Variants in PDZRN3 observed in about 807,000 individuals in gnomAD.
PDZRN3 encodes E3 ubiquitin-protein ligase PDZRN3.
In PDZRN3, 38 loss-of-function variants were observed where a neutral mutation model predicts 85.7. That is an observed-to-expected ratio of 0.44 (90% confidence interval 0.34 to 0.58). PDZRN3 has a LOEUF of 0.58. Ranked by LOEUF, PDZRN3 falls within the 20% of genes least tolerant of loss-of-function variation. PDZRN3 has a pLI of 0.01. For missense variants in PDZRN3, 1,629 were observed against 1,506.4 expected, an observed-to-expected ratio of 1.08 and a Z score of -1.35; for synonymous variants, 759 against 638.0, an observed-to-expected ratio of 1.19 and a Z score of -2.86.
intron 3 of PDZRN3, among the ~76,000 whole-genome samples, chr3:73,497,647 A>G (rs1328493700): frequency 6.6e-6 from 1 of 152,198 alleles, no homozygotes; most frequent in African/African-American, 2.4e-5. Context: ...CGTACCCATC[A>G]CCCAGCTTAA....
At chr3:73,484,080 G>T (rs1275953248) in intron 3 of PDZRN3, among the ~76,000 whole-genome samples, 2 of 152,136 alleles carry the variant, frequency 1.3e-5, no homozygotes, top group Non-Finnish European at 2.9e-5. Context: ...TGATGCGGGG[G>T]CCTGGGGTGG....
At chr3:73,408,166 G>A (rs887279026) in intron 3 of PDZRN3, 2 of 703,404 alleles carry the variant, frequency 2.8e-6, no homozygotes, top group Admixed American at 2.0e-5. Flanking sequence ...CAGAGGTGGA[G>A]TGTGCAGGGA....
intron 7 of PDZRN3, 32 bp from the exon 8 acceptor site, chr3:73,388,101 G>A: frequency 9.7e-7 from 1 of 1,030,342 alleles, no homozygotes; most frequent in Non-Finnish European, 1.5e-6. Context: ...TGGGGAGAGT[G>A]GGGAGACAAA....
In PDZRN3 at chr3:73,383,360, G is replaced by T. The variant is rs1396177755; in HGVS notation, c.*5C>A. The T allele has an allele frequency of 1.3e-6, 2 of 1,594,768 alleles. No individual in the cohort carries two copies. Among genetic ancestry groups the T allele is most frequent in the Non-Finnish European group, 1.7e-6 (2 of 1,170,526 alleles). On this transcript the variant is annotated 3_prime_UTR_variant, in exon 10 of 10. Transcript: ENST00000263666. ...TCCTTTATGTACATAATGCAGAAGT[G>T]AAAATTATACAGTAGTCACCGATAG...
intron 3 of PDZRN3, among the ~76,000 whole-genome samples, chr3:73,466,941 C>T (rs1353660769): frequency 6.6e-6 from 1 of 152,088 alleles, no homozygotes; most frequent in Non-Finnish European, 1.5e-5. Flanking sequence ...TTTCATTTTT[C>T]CTCTGTAGGA....
intron 8 of PDZRN3, among the ~76,000 whole-genome samples, chr3:73,386,226 CTTTTTTT>C (rs71126867): frequency 1.1e-5 from 1 of 90,732 alleles, no homozygotes. Flanking sequence ...CAAGATATCA[CTTTTTTT>C]TTTTTTTTTT....
chr3:73,478,972 G>A (rs1575680701), intron 3 of PDZRN3, among the ~76,000 whole-genome samples: 1 of 152,308 alleles, frequency 6.6e-6, no homozygotes, highest in Admixed American at 6.5e-5. Flanking sequence ...TAGGTTCTAT[G>A]TGTAATGGCA....
intron 2 of PDZRN3, among the ~76,000 whole-genome samples, chr3:73,602,889 G>A (rs1008922972): frequency 6.6e-6 from 1 of 152,136 alleles, no homozygotes; most frequent in Non-Finnish European, 1.5e-5. Flanking sequence ...ATTCGTGTCT[G>A]CCTTACTTCT....
intron 3 of PDZRN3, among the ~76,000 whole-genome samples, chr3:73,589,698 G>A (rs553723491): frequency 6.6e-6 from 1 of 152,218 alleles, no homozygotes; most frequent in South Asian, 2.1e-4. Context: ...TCTGCCCAAA[G>A]GATTCTCCTT....
chr3:73,491,593 C>CTTTTTTTTT (rs1429977645), intron 3 of PDZRN3, among the ~76,000 whole-genome samples: 24 of 132,866 alleles, frequency 1.8e-4, no homozygotes, highest in African/African-American at 4.4e-4. Context: ...TGGAAGGTTC[C>CTTTTTTTTT]TTTTTTTTTT....
At chr3:73,539,583 C>T (rs888840599) in intron 3 of PDZRN3, among the ~76,000 whole-genome samples, 8 of 152,044 alleles carry the variant, frequency 5.3e-5, no homozygotes, top group African/African-American at 1.7e-4. Context: ...GTGTGAGCCT[C>T]CTTGTGCATG....
intron 5 of PDZRN3, among the ~76,000 whole-genome samples, chr3:73,400,414 AC>A (rs1321135740): frequency 1.3e-5 from 2 of 152,076 alleles, no homozygotes; most frequent in African/African-American, 4.8e-5. Flanking sequence ...GCCTCAAATA[AC>A]ACTTAAGAAG....
intron 3 of PDZRN3, among the ~76,000 whole-genome samples, chr3:73,434,676 A>T (rs965085478): frequency 6.6e-6 from 1 of 152,196 alleles, no homozygotes; most frequent in Non-Finnish European, 1.5e-5. Context: ...TTCAGAGATG[A>T]TATGGCTGGG....
Position 73,383,944 on chromosome 3 carries a change from C to A in PDZRN3, c.2622G>T (p.Pro874=). The change falls in exon 10 of 10, where the codon CCG becomes CCT. Residue 874 remains proline (P), a synonymous_variant. Coordinates refer to ENST00000263666, the MANE Select transcript of PDZRN3 (RefSeq NM_015009.3). ...HHSPYKHAHI[P]AHAQHYQSYM... Reference sequence around the variant, plus strand: ...AGCTCTGGTAGTGCTGGGCGTGCGCCGGGATGTGCGCGTGCTTGTATGGGG... The same window carrying A: ...AGCTCTGGTAGTGCTGGGCGTGCGCAGGGATGTGCGCGTGCTTGTATGGGG... 1 of 1,604,300 alleles carries A rather than the reference C, an allele frequency of 6.2e-7. No homozygotes were observed. Among genetic ancestry groups the A allele is most frequent in the Non-Finnish European group, 8.5e-7 (1 of 1,175,796 alleles).
rs1701965268 is a variant in PDZRN3 at position 73,567,209 on chromosome 3, A to G, written c.918+35145T>C. ...ATCTGGTAGTTTGATCAACATGGAC[A>G]TCTATCCTTCCTGGGGCTTTTCATA... On this transcript the variant is annotated intron_variant, in intron 3 of 9. Coordinates refer to ENST00000263666, the MANE Select transcript of PDZRN3 (RefSeq NM_015009.3). 2.0e-5 allele frequency among the ~76,000 whole-genome samples: 3 copies of G among 152,314 alleles called. No individual in the cohort carries two copies. The South Asian group carries it at 6.2e-4, about 32-fold the overall frequency.
chr3:73,453,404 C>CAAAAAAAAAAAAAAAAA (rs1184407369), intron 3 of PDZRN3, among the ~76,000 whole-genome samples: 5 of 97,542 alleles, frequency 5.1e-5, no homozygotes, highest in Admixed American at 1.2e-4. Context: ...GACTTCGTCT[C>CAAAAAAAAAAAAAAAAA]AAAAAAAAAA....
intron 3 of PDZRN3, among the ~76,000 whole-genome samples, chr3:73,585,902 C>G (rs957307053): frequency 4.6e-5 from 7 of 152,128 alleles, no homozygotes; most frequent in African/African-American, 1.7e-4. Flanking sequence ...AAGCAAAAAG[C>G]ACAACTGCTA....
chr3:73,470,336 C>G (rs1320259470), intron 3 of PDZRN3, among the ~76,000 whole-genome samples: 8 of 151,966 alleles, frequency 5.3e-5, no homozygotes, highest in Non-Finnish European at 1.0e-4. Flanking sequence ...AAAATTATAC[C>G]AGTGTGGTCT....
intron 3 of PDZRN3, among the ~76,000 whole-genome samples, chr3:73,511,867 C>T (rs1704172965): frequency 2.0e-5 from 3 of 152,218 alleles, no homozygotes; most frequent in Non-Finnish European, 4.4e-5. Flanking sequence ...CGGCTTCCAA[C>T]CGTCTGGGCG....
Sources: allele counts gnomAD v4.1 joint callset (sites outside exome capture counted in the v4.1 genomes callset), GRCh38; gene constraint gnomAD v4.1.1; transcripts MANE v1.5; gene names NCBI Gene and HGNC (gene_info 2026-07-23, HGNC 2026-07-21).